UBR1: variants seen among roughly 807,000 people sequenced by gnomAD.
UBR1 encodes ubiquitin protein ligase E3 component n-recognin 1, also known as E3 ubiquitin-protein ligase UBR1.
UBR1 carries 102 observed loss-of-function variants against 242.1 expected under a neutral mutation model. The ratio of observed to expected loss-of-function variants is 0.42; its 90% CI spans 0.36 to 0.50. The LOEUF (loss-of-function observed/expected upper bound fraction) is 0.50, where lower values mean the gene tolerates loss of function less well. Ranked by LOEUF, UBR1 falls within the 20% of genes least tolerant of loss-of-function variation. UBR1 has a pLI of 0.01. For missense variants in UBR1, 1,772 were observed against 2,101.8 expected (o/e 0.84, Z 3.07); for synonymous variants, 675 against 684.8 (o/e 0.99, Z 0.22).
chr15:43,034,096 G>A (rs2033295034), intron 19 of UBR1, among the ~76,000 whole-genome samples: 1 of 152,092 alleles, frequency 6.6e-6, no homozygotes, highest in Admixed American at 6.6e-5. Flanking sequence ...CATTACCTGG[G>A]CATGGTGGTG....
rs117327703 is a variant in UBR1, at chr15:43,083,308, T to C, written c.339-592A>G. ...CCTTAATAACAACTTCTTAAATGCA[T>C]TGTTTTATTTAACATTTTGGAGGAG... On this transcript the variant is annotated intron_variant, in intron 2 of 46. Coordinates refer to ENST00000290650, the MANE Select transcript of UBR1 (RefSeq NM_174916.3). Among the ~76,000 whole-genome samples the C allele has an allele frequency of 1.1e-3, 170 of 152,354 alleles. 2 individuals are homozygous for C. The East Asian group carries it at 0.03, about 27-fold the overall frequency.
At chr15:43,063,415 G>A (rs1363015711) in intron 6 of UBR1, among the ~76,000 whole-genome samples, 1 of 152,162 alleles carries the variant, frequency 6.6e-6, no homozygotes, top group Non-Finnish European at 1.5e-5. Flanking sequence ...GATCATGATA[G>A]CTCACAGTAA....
chr15:43,062,637 G>C (rs532277972), intron 6 of UBR1, among the ~76,000 whole-genome samples: 1 of 152,076 alleles, frequency 6.6e-6, no homozygotes, highest in African/African-American at 2.4e-5. Flanking sequence ...ATGGAGATGG[G>C]GTCTCACTCT....
intron 30 of UBR1, among the ~76,000 whole-genome samples, chr15:43,006,241 A>G (rs992658731): frequency 3.3e-5 from 5 of 152,194 alleles, no homozygotes; most frequent in Non-Finnish European, 5.9e-5. Context: ...TGGAACTAAT[A>G]GTGATAACTA....
At chr15:42,980,593 C>T (rs964782728) in intron 37 of UBR1, among the ~76,000 whole-genome samples, 2 of 150,382 alleles carry the variant, frequency 1.3e-5, no homozygotes, top group South Asian at 2.1e-4. Context: ...TCTATCTATC[C>T]ATCCATCCAT....
intron 1 of UBR1, among the ~76,000 whole-genome samples, chr15:43,097,004 T>C (rs2034169804): frequency 1.3e-5 from 2 of 152,216 alleles, no homozygotes; most frequent in Non-Finnish European, 2.9e-5. Context: ...TTCAATTGAC[T>C]TTGCCCACAT....
At chr15:43,034,256 AT>A (rs2033299205) in intron 19 of UBR1, among the ~76,000 whole-genome samples, 1 of 76,166 alleles carries the variant, frequency 1.3e-5, no homozygotes, top group African/African-American at 3.9e-5. Context: ...AAATAAATAA[AT>A]AAATAAATAA....
intron 42 of UBR1, among the ~76,000 whole-genome samples, chr15:42,961,107 TC>T (rs1415043586): frequency 1.4e-5 from 2 of 140,366 alleles, no homozygotes; most frequent in Admixed American, 7.2e-5. Flanking sequence ...ATTTCTATGT[TC>T]CCCCTTTTTT....
chr15:42,989,338 T>C (rs1186297438), intron 34 of UBR1, among the ~76,000 whole-genome samples: 1 of 152,208 alleles, frequency 6.6e-6, no homozygotes, highest in Admixed American at 6.5e-5. Flanking sequence ...GCTTTGATGC[T>C]TGGAAAAGGA....
intron 1 of UBR1, among the ~76,000 whole-genome samples, chr15:43,092,864 G>A (rs114600943): frequency 0.028 from 4,282 of 152,070 alleles, 186 homozygotes; most frequent in African/African-American, 0.097. Context: ...GAATTTTTAT[G>A]GGAAATAAAG....
In UBR1 at chr15:42,988,141, A is replaced by C. The variant is rs1000849959; in HGVS notation, c.3997+678T>G. On this transcript the variant is annotated intron_variant, in intron 35 of 46. Coordinates refer to ENST00000290650, the MANE Select transcript of UBR1 (RefSeq NM_174916.3). ...TTTTAGGTGACTTTGGTTTCCCCTC[A>C]CTTCTTCTCTCAAACTATAAAAGAA... Among the ~76,000 whole-genome samples, 3 of 151,968 alleles carry C rather than the reference A, an allele frequency of 2.0e-5. No homozygotes were observed. In the East Asian group the frequency reaches 5.8e-4, roughly 29 times the overall value.
At chr15:43,070,248 TAAAA>T (rs746635905) in intron 5 of UBR1, among the ~76,000 whole-genome samples, 4 of 25,234 alleles carry the variant, frequency 1.6e-4, no homozygotes, top group Admixed American at 4.0e-4. Context: ...GAGTTCTAGC[TAAAA>T]AAAAAAAAAA....
At chr15:43,007,029 A>G (rs1255047873) in intron 30 of UBR1, 50 bp downstream of exon 30, 4 of 1,567,442 alleles carry the variant, frequency 2.6e-6, no homozygotes, top group Non-Finnish European at 3.5e-6. Context: ...CTTTAATTAC[A>G]CAGGCATGAA....
intron 1 of UBR1, among the ~76,000 whole-genome samples, chr15:43,090,992 T>G (rs1163129725): frequency 6.6e-6 from 1 of 152,154 alleles, no homozygotes; most frequent in African/African-American, 2.4e-5. Context: ...CAGGCTGGAG[T>G]GCAATGGCAC....
intron 29 of UBR1, among the ~76,000 whole-genome samples, chr15:43,010,103 A>T (rs142183834): frequency 7.2e-4 from 109 of 152,200 alleles, no homozygotes; most frequent in Non-Finnish European, 1.4e-3. Flanking sequence ...CAAACTCCTG[A>T]CCTCGTGATC....
intron 4 of UBR1, among the ~76,000 whole-genome samples, chr15:43,073,940 A>G (rs1400254846): frequency 6.6e-6 from 1 of 152,226 alleles, no homozygotes; most frequent in Non-Finnish European, 1.5e-5. Context: ...GGATATCCAC[A>G]ACAGTTTAAA....
rs533433902 is a variant in UBR1 at position 43,010,212 on chromosome 15, T to C, written c.3210-2928A>G. On this transcript the variant is annotated intron_variant, in intron 29 of 46. Transcript: ENST00000290650. Reference sequence around the variant, plus strand: ...AAAAGGTGGGACTCACTAAGTGTGGTACCACCTCCTAGGAGGCATCTAGCA... The same window carrying C: ...AAAAGGTGGGACTCACTAAGTGTGGCACCACCTCCTAGGAGGCATCTAGCA... Among the ~76,000 whole-genome samples the C allele has an allele frequency of 2.6e-5, 4 of 152,038 alleles. No homozygotes were observed. The South Asian group carries it at 8.3e-4, about 31-fold the overall frequency.
At chr15:42,978,892 C>CA in intron 37 of UBR1, among the ~76,000 whole-genome samples, 1 of 94,056 alleles carries the variant, frequency 1.1e-5, no homozygotes, top group East Asian at 2.8e-4. Context: ...CCACGCCCGG[C>CA]TTTTTTTTTT....
chr15:43,015,259 G>A (rs2141296850), intron 29 of UBR1, among the ~76,000 whole-genome samples: 1 of 152,316 alleles, frequency 6.6e-6, no homozygotes, highest in African/African-American at 2.4e-5. Flanking sequence ...TGTGTAGAAA[G>A]AAGTAGACAT....
Sources: allele counts gnomAD v4.1 joint callset (sites outside exome capture counted in the v4.1 genomes callset), GRCh38; gene constraint gnomAD v4.1.1; transcripts MANE v1.5; gene names NCBI Gene and HGNC (gene_info 2026-07-23, HGNC 2026-07-21).